The following PANK1 variants were observed in gnomAD, a reference collection of about 807,000 sequenced individuals.
The protein encoded by PANK1 is pantothenic acid kinase 1.
In PANK1, 18 loss-of-function variants were observed where a neutral mutation model predicts 40.1. The observed-to-expected ratio is 0.45, with a 90% CI of 0.31 to 0.67. The LOEUF is 0.67. Among genes scored for constraint, PANK1 ranks in the 30% least tolerant of loss-of-function variants. The probability of loss-of-function intolerance (pLI) is 0.06; values close to 1 mark genes in which losing one functional copy is unlikely to be tolerated. For synonymous variants in PANK1, 242 were observed against 237.7 expected, an observed-to-expected ratio of 1.02 and a Z score of -0.17; for missense variants, 457 against 599.6, an observed-to-expected ratio of 0.76 and a Z score of 2.48.
At chr10:89,626,250 C>T (rs892444888) in intron 1 of PANK1, 12 of 151,830 alleles carry the variant, frequency 7.9e-5, no homozygotes, top group African/African-American at 2.7e-4. Flanking sequence ...TCTGCCCAAT[C>T]TAGAGGCAAT....
intron 1 of PANK1, among the ~76,000 whole-genome samples, chr10:89,635,591 T>C (rs1055484427): frequency 6.6e-6 from 1 of 152,182 alleles, no homozygotes; most frequent in African/African-American, 2.4e-5. Context: ...AAATTCATGT[T>C]CTTCTCACAT....
At chr10:89,585,593 C>T in intron 6 of PANK1, among the ~76,000 whole-genome samples, 1 of 152,184 alleles carries the variant, frequency 6.6e-6, no homozygotes, top group Non-Finnish European at 1.5e-5. Context: ...TTACCCATCA[C>T]AATAACTCTA....
intron 1 of PANK1, among the ~76,000 whole-genome samples, chr10:89,637,648 G>T (rs188411804): frequency 3.3e-5 from 5 of 152,314 alleles, no homozygotes; most frequent in Admixed American, 6.5e-5. Context: ...AGTGAGTGGT[G>T]AGTAAATGTG....
At chr10:89,606,203 A>G (rs949397671) in intron 2 of PANK1, among the ~76,000 whole-genome samples, 5 of 152,150 alleles carry the variant, frequency 3.3e-5, no homozygotes, top group Non-Finnish European at 5.9e-5. Flanking sequence ...GTCGGCTTCA[A>G]CTTCAAGTCA....
At chr10:89,592,714 G>C (rs777445814) in intron 5 of PANK1, 1 of 534,096 alleles carries the variant, frequency 1.9e-6, no homozygotes, top group African/African-American at 1.9e-5. Flanking sequence ...TTTTGTGCCT[G>C]GGACTCTGGC....
At chr10:89,629,145 T>C (rs1264206405) in intron 1 of PANK1, among the ~76,000 whole-genome samples, 1 of 152,204 alleles carries the variant, frequency 6.6e-6, no homozygotes, top group Non-Finnish European at 1.5e-5. Flanking sequence ...CTGAGGGAGA[T>C]CACAGGAAGT....
rs1280085107 is a variant in PANK1 at position 89,595,849 on chromosome 10, T to A, written c.900-1860A>T. ...AAAAAAAAAAATATATATATATATATATATATATATATATATATATATATA... is the reference window on the plus strand; with the variant it reads ...AAAAAAAAAAATATATATATATATAAATATATATATATATATATATATATA... On this transcript the variant is annotated intron_variant, in intron 3 of 6. Transcript: ENST00000307534. Among the ~76,000 whole-genome samples, 427 of 100,424 alleles carry A rather than the reference T, an allele frequency of 4.3e-3. 26 individuals are homozygous for A. Among genetic ancestry groups the A allele is most frequent in the African/African-American group, 0.02 (370 of 18,534 alleles). The allele number at this position is 100,424 out of a possible 152,430, so 65.9% of individuals were successfully genotyped here.
rs764176700 is a variant in PANK1, at chr10:89,644,939, G to C, written c.-48C>G. 3.8e-6 allele frequency: 6 copies of C among 1,567,620 alleles called. No homozygotes were observed. In the Admixed American group the frequency reaches 5.5e-5, roughly 14 times the overall value. ...CGCGGGCCCCGGCTCAGGCGGCCTCGCTGGAGGTCATTCTCCGGCGTCTTT... is the reference window on the plus strand; with the variant it reads ...CGCGGGCCCCGGCTCAGGCGGCCTCCCTGGAGGTCATTCTCCGGCGTCTTT... On this transcript the variant is annotated 5_prime_UTR_variant, in exon 1 of 7. Transcript: ENST00000307534.
chr10:89,609,141 T>C (rs1845073899), intron 2 of PANK1, among the ~76,000 whole-genome samples: 1 of 152,246 alleles, frequency 6.6e-6, no homozygotes, highest in Non-Finnish European at 1.5e-5. Flanking sequence ...CTCGGCTCAC[T>C]GTAACCTTGA....
intron 6 of PANK1, among the ~76,000 whole-genome samples, chr10:89,585,633 A>G (rs1057268887): frequency 6.6e-6 from 1 of 152,240 alleles, no homozygotes; most frequent in African/African-American, 2.4e-5. Context: ...CCATTTTACA[A>G]ATGCTAAAAC....
intron 1 of PANK1, among the ~76,000 whole-genome samples, chr10:89,620,668 C>A (rs889998727): frequency 6.6e-6 from 1 of 152,162 alleles, no homozygotes; most frequent in Admixed American, 6.5e-5. Flanking sequence ...CCCTTGTGAT[C>A]TTTTATTGCC....
chr10:89,630,499 G>GTT (rs34631109), intron 1 of PANK1, among the ~76,000 whole-genome samples: 2 of 71,172 alleles, frequency 2.8e-5, no homozygotes. Context: ...CAGTTTTTTT[G>GTT]TTTTTTTTTT....
At chr10:89,633,639 G>C (rs1383612101) in intron 1 of PANK1, among the ~76,000 whole-genome samples, 1 of 152,066 alleles carries the variant, frequency 6.6e-6, no homozygotes, top group Non-Finnish European at 1.5e-5. Context: ...GATTTCTGGA[G>C]CTATTACAGC....
chr10:89,631,976 G>GTGTGTTTTT (rs199540491), intron 1 of PANK1, among the ~76,000 whole-genome samples: 3 of 143,310 alleles, frequency 2.1e-5, no homozygotes, highest in East Asian at 4.0e-4. Flanking sequence ...GTGTGTGTGT[G>GTGTGTTTTT]TTTTTTTTTT....
At chr10:89,643,484 G>A (rs1842023536) in intron 1 of PANK1, among the ~76,000 whole-genome samples, 1 of 152,192 alleles carries the variant, frequency 6.6e-6, no homozygotes, top group Non-Finnish European at 1.5e-5. Context: ...GTCACCCACA[G>A]TCATGTCAAA....
chr10:89,633,170 G>T (rs142082117), intron 1 of PANK1, among the ~76,000 whole-genome samples: 3 of 152,010 alleles, frequency 2.0e-5, no homozygotes, highest in Non-Finnish European at 4.4e-5. Flanking sequence ...CCAGTTTCAA[G>T]TTATCAGCAT....
At chr10:89,641,731 CAAAA>C (rs1327450726) in intron 1 of PANK1, among the ~76,000 whole-genome samples, 3 of 130,490 alleles carry the variant, frequency 2.3e-5, no homozygotes, top group Admixed American at 1.6e-4. Context: ...GAATCCGTCT[CAAAA>C]TAAATAAATA....
At chr10:89,593,342 G>C (rs758636365) in intron 4 of PANK1, 22 bp from the exon 5 acceptor site, 3 of 1,611,816 alleles carry the variant, frequency 1.9e-6, no homozygotes, top group Non-Finnish European at 2.5e-6. Context: ...ATATCAGCGA[G>C]AGTGTTCAAA....
chr10:89,619,933 A>C (rs1456958106), intron 1 of PANK1, among the ~76,000 whole-genome samples: 2 of 152,226 alleles, frequency 1.3e-5, no homozygotes, highest in African/African-American at 4.8e-5. Context: ...GGAAGATTTC[A>C]TGGACATTTA....
Sources: allele counts gnomAD v4.1 joint callset (sites outside exome capture counted in the v4.1 genomes callset), GRCh38; gene constraint gnomAD v4.1.1; transcripts MANE v1.5; gene names NCBI Gene and HGNC (gene_info 2026-07-23, HGNC 2026-07-21).